MACROD2: variants seen among roughly 807,000 people sequenced by gnomAD.
The protein encoded by MACROD2 is mono-ADP ribosylhydrolase 2.
In MACROD2, 36 loss-of-function variants were observed where a neutral mutation model predicts 70.4. The observed-to-expected ratio is 0.51, with a 90% confidence interval of 0.39 to 0.68. MACROD2 has a LOEUF of 0.68. MACROD2 is among the 30% of genes least tolerant of loss of function. The pLI is 0.00. For missense variants in MACROD2, 496 were observed against 538.4 expected, an observed-to-expected ratio of 0.92 and a Z score of 0.78; for synonymous variants, 172 against 178.8, an observed-to-expected ratio of 0.96 and a Z score of 0.30.
At chr20:15,033,049 C>T (rs1301408810) in intron 5 of MACROD2, among the ~76,000 whole-genome samples, 2 of 152,060 alleles carry the variant, frequency 1.3e-5, no homozygotes, top group Admixed American at 6.6e-5. Flanking sequence ...AAGTAGATTA[C>T]GGGTTTCCAG....
intron 8 of MACROD2, among the ~76,000 whole-genome samples, chr20:15,693,924 C>G (rs1472733119): frequency 6.7e-6 from 1 of 149,282 alleles, no homozygotes; most frequent in East Asian, 2.0e-4. Flanking sequence ...GCCTTTGCAT[C>G]CTTGTAACTT....
At chr20:15,634,527 G>A (rs994079055) in intron 8 of MACROD2, among the ~76,000 whole-genome samples, 1 of 152,200 alleles carries the variant, frequency 6.6e-6, no homozygotes, top group Non-Finnish European at 1.5e-5. Context: ...GGCCTAATTA[G>A]TGTCAAACAA....
At chr20:15,533,297 C>CTT (rs2047828603) in intron 8 of MACROD2, among the ~76,000 whole-genome samples, 1 of 152,108 alleles carries the variant, frequency 6.6e-6, no homozygotes, top group Non-Finnish European at 1.5e-5. Flanking sequence ...GTAGAGCAAT[C>CTT]TTTTTAAGAG....
Position 15,775,965 on chromosome 20 carries a change from A to G in MACROD2, c.646-86780A>G, listed in dbSNP as rs181046220. 3.1e-3 allele frequency among the ~76,000 whole-genome samples: 470 copies of G among 152,310 alleles called. 5 individuals carry two copies. The highest frequency in any genetic ancestry group is 9.6e-3 in the African/African-American group (401 of 41,588). On this transcript the variant is annotated intron_variant, in intron 8 of 17. Coordinates refer to ENST00000684519, the MANE Select transcript of MACROD2 (RefSeq NM_001351661.2). ...GGCCAAATTTATAAGCATACACCTA[A>G]AAGTATGGAATTCCAGGCCTGATAT...
chr20:15,044,428 C>G (rs962896102), intron 5 of MACROD2, among the ~76,000 whole-genome samples: 14 of 152,178 alleles, frequency 9.2e-5, no homozygotes, highest in Non-Finnish European at 1.5e-4. Context: ...CCTTAACACA[C>G]TCCTTCTCTG....
intron 3 of MACROD2, among the ~76,000 whole-genome samples, chr20:14,242,257 G>C (rs2081936091): frequency 6.6e-6 from 1 of 151,980 alleles, no homozygotes; most frequent in South Asian, 2.1e-4. Flanking sequence ...TCAGTACTTT[G>C]AAAAATCACA....
intron 6 of MACROD2, among the ~76,000 whole-genome samples, chr20:15,315,123 G>A (rs949271049): frequency 6.6e-6 from 1 of 152,048 alleles, no homozygotes; most frequent in African/African-American, 2.4e-5. Context: ...GAAAATCAGA[G>A]AGAAATAAGA....
intron 4 of MACROD2, among the ~76,000 whole-genome samples, chr20:14,593,564 T>A (rs1309343275): frequency 6.6e-6 from 1 of 152,196 alleles, no homozygotes; most frequent in Non-Finnish European, 1.5e-5. Context: ...AATGTTTTAT[T>A]TCCTTTTGGC....
chr20:15,593,854 T>C (rs980931762), intron 8 of MACROD2, among the ~76,000 whole-genome samples: 9 of 152,228 alleles, frequency 5.9e-5, no homozygotes, highest in Admixed American at 5.9e-4. Flanking sequence ...ATAAGAGGCA[T>C]CTGGCATCTT....
At position 15,916,524 on chromosome 20, in the gene MACROD2, TA is replaced by T. The variant is rs890626519; in HGVS notation, c.776-16748del. The stretch of plus-strand genomic sequence containing the variant: ...CTCTATGAATTTGTGGGCATATTTT[TA>T]AAACCACCATCATCCCAAACAGCAT... On this transcript the variant is annotated intron_variant, in intron 10 of 17. Coordinates refer to ENST00000684519, the MANE Select transcript of MACROD2 (RefSeq NM_001351661.2). 2.6e-4 allele frequency among the ~76,000 whole-genome samples: 39 copies of T among 152,334 alleles called. 1 individual carries two copies. Among genetic ancestry groups the T allele is most frequent in the African/African-American group, 9.1e-4 (38 of 41,572 alleles).
At chr20:15,633,783 G>A (rs897904033) in intron 8 of MACROD2, among the ~76,000 whole-genome samples, 2 of 152,088 alleles carry the variant, frequency 1.3e-5, no homozygotes, top group African/African-American at 4.8e-5. Context: ...TTATGGCTTT[G>A]TGTAGCAAAC....
At chr20:14,661,061 A>T (rs144529051) in intron 4 of MACROD2, among the ~76,000 whole-genome samples, 1 of 152,252 alleles carries the variant, frequency 6.6e-6, no homozygotes, top group Non-Finnish European at 1.5e-5. Flanking sequence ...CTGTGGGTAT[A>T]TACTCAGTAA....
intron 8 of MACROD2, among the ~76,000 whole-genome samples, chr20:15,571,128 G>A (rs1487396749): frequency 2.0e-5 from 3 of 152,054 alleles, no homozygotes; most frequent in African/African-American, 7.2e-5. Context: ...ATCTACAATT[G>A]TAGGTCAATA....
chr20:15,935,035 A>G (rs2065637508), intron 11 of MACROD2, among the ~76,000 whole-genome samples: 1 of 152,092 alleles, frequency 6.6e-6, no homozygotes, highest in Non-Finnish European at 1.5e-5. Flanking sequence ...CTGTACATAC[A>G]TGTACACACG....
At chr20:16,033,359 C>G (rs2067180746) in intron 15 of MACROD2, among the ~76,000 whole-genome samples, 1 of 152,090 alleles carries the variant, frequency 6.6e-6, no homozygotes, top group Non-Finnish European at 1.5e-5. Flanking sequence ...AATCTAGCTA[C>G]ATCAGAGCTC....
chr20:14,028,905 T>C (rs1385439920), intron 2 of MACROD2, among the ~76,000 whole-genome samples: 1 of 152,184 alleles, frequency 6.6e-6, no homozygotes, highest in Non-Finnish European at 1.5e-5. Flanking sequence ...CCCAGAGTTG[T>C]CTGTTTTTCC....
chr20:16,011,686 A>C lies in MACROD2; in HGVS notation c.1153+24528A>C, dbSNP rs2066865070. 2.6e-5 allele frequency among the ~76,000 whole-genome samples: 4 copies of C among 151,482 alleles called. No homozygotes were observed. In the South Asian group the frequency reaches 8.4e-4, roughly 32 times the overall value. On this transcript the variant is annotated intron_variant, in intron 15 of 17. Coordinates refer to ENST00000684519, the MANE Select transcript of MACROD2 (RefSeq NM_001351661.2). Reference sequence around the variant, plus strand: ...GAGGTGTGCAGTGTAGGGAAGTTTTAGCAAAGCATCCAGATGCCCTTGAGG... The same window carrying C: ...GAGGTGTGCAGTGTAGGGAAGTTTTCGCAAAGCATCCAGATGCCCTTGAGG...
chr20:15,475,268 T>G (rs1002310320), intron 7 of MACROD2, among the ~76,000 whole-genome samples: 1 of 152,210 alleles, frequency 6.6e-6, no homozygotes, highest in African/African-American at 2.4e-5. Context: ...AAGGTAGGAC[T>G]GTATAGTAAC....
chr20:15,579,395 T>G (rs1307758359), intron 8 of MACROD2, among the ~76,000 whole-genome samples: 1 of 152,186 alleles, frequency 6.6e-6, no homozygotes, highest in Non-Finnish European at 1.5e-5. Context: ...CAGAAGAACA[T>G]CTGAAGTTTG....
Sources: allele counts gnomAD v4.1 joint callset (sites outside exome capture counted in the v4.1 genomes callset), GRCh38; gene constraint gnomAD v4.1.1; transcripts MANE v1.5; gene names NCBI Gene and HGNC (gene_info 2026-07-23, HGNC 2026-07-21).